Variants in AFG3L2 observed in about 807,000 individuals in gnomAD.
The protein encoded by AFG3L2 is AFG3 like matrix AAA peptidase subunit 2.
AFG3L2 carries 54 observed loss-of-function variants against 94.5 expected under a neutral mutation model. The ratio of observed to expected loss-of-function variants is 0.57; its 90% CI spans 0.46 to 0.72. The LOEUF is 0.72. Ranked by LOEUF, AFG3L2 falls within the 30% of genes least tolerant of loss-of-function variation. The pLI is 0.00. For synonymous variants in AFG3L2, 377 were observed against 365.5 expected, an observed-to-expected ratio of 1.03 and a Z score of -0.36; for missense variants, 754 against 994.9, an observed-to-expected ratio of 0.76 and a Z score of 3.26.
chr18:12,344,837 C>T (rs1276251986), intron 13 of AFG3L2, among the ~76,000 whole-genome samples: 1 of 152,168 alleles, frequency 6.6e-6, no homozygotes, highest in Non-Finnish European at 1.5e-5. Context: ...AACTCTCTCA[C>T]TTTTAAGCCA....
intron 10 of AFG3L2, among the ~76,000 whole-genome samples, chr18:12,351,899 C>T (rs1177901687): frequency 6.6e-6 from 1 of 152,070 alleles, no homozygotes; most frequent in Non-Finnish European, 1.5e-5. Flanking sequence ...CTATTCAGCT[C>T]GTCCTTGAAA....
intron 15 of AFG3L2, among the ~76,000 whole-genome samples, chr18:12,337,836 C>T (rs897215830): frequency 7.2e-5 from 11 of 152,220 alleles, no homozygotes; most frequent in African/African-American, 2.6e-4. Flanking sequence ...GTGGCACCAT[C>T]TTGGCTCACT....
intron 5 of AFG3L2, among the ~76,000 whole-genome samples, chr18:12,366,190 A>G (rs1035467596): frequency 1.3e-5 from 2 of 152,042 alleles, no homozygotes; most frequent in Admixed American, 6.6e-5. Flanking sequence ...CATCAATTCT[A>G]AGACACACAT....
At chr18:12,332,075 T>C (rs1907550745) in intron 16 of AFG3L2, among the ~76,000 whole-genome samples, 1 of 151,482 alleles carries the variant, frequency 6.6e-6, no homozygotes, top group Non-Finnish European at 1.5e-5. Flanking sequence ...ATATACCTAG[T>C]GTAAAGAAAA....
rs111728373 is a variant in AFG3L2 at position 12,371,008 on chromosome 18, T to C, written c.215-82A>G. On this transcript the variant is annotated intron_variant, in intron 2 of 16. Coordinates refer to ENST00000269143, the MANE Select transcript of AFG3L2 (RefSeq NM_006796.3). Reference sequence around the variant, plus strand: ...TTCATTTTGTTTTCAAAGCAGCTGATGCATCACTGAAAAGCACAAGCTGGC... The same window carrying C: ...TTCATTTTGTTTTCAAAGCAGCTGACGCATCACTGAAAAGCACAAGCTGGC... 3.7e-3 allele frequency: 3,237 copies of C among 875,396 alleles called. 69 individuals are homozygous for C. The African/African-American group carries it at 0.049, about 13-fold the overall frequency. The allele number at this position is 875,396 out of a possible 1,614,324, so 54.2% of individuals were successfully genotyped here.
intron 3 of AFG3L2, among the ~76,000 whole-genome samples, chr18:12,368,034 GCGCATGCCTGTAATCCCAGCTACTA>G: frequency 6.6e-6 from 1 of 152,246 alleles, no homozygotes; most frequent in Non-Finnish European, 1.5e-5. Context: ...GGGCATGGTG[GCGCATGCCTGTAATCCCAGCTACTA>G]GGGAGGCTGA....
chr18:12,341,483 T>C (rs1241584016), intron 14 of AFG3L2: 4 of 152,220 alleles, frequency 2.6e-5, no homozygotes, highest in African/African-American at 4.8e-5. Context: ...TCTGTCCCTA[T>C]GGATTAGTTT....
At chr18:12,359,902 T>C in intron 7 of AFG3L2, 25 bp downstream of exon 7, 1 of 1,612,166 alleles carries the variant, frequency 6.2e-7, no homozygotes, top group Non-Finnish European at 8.5e-7. Context: ...GTCAACAGTC[T>C]ACAAAATATT....
In AFG3L2 at chr18:12,329,597, C is replaced by G; in HGVS notation, c.2362G>C (p.Glu788Gln). ...GCAACTTTCTCACCCGGGGGCTCCT[C>G]TTTCTCCTTTTCCCGCTCCTTGTTC... ...DWNKEREKEK[E>Q]EPPGEKVAN The change falls in exon 17 of 17, where the codon GAG becomes CAG. Residue 788 changes from glutamate to glutamine, a missense_variant. Coordinates refer to ENST00000269143, the MANE Select transcript of AFG3L2 (RefSeq NM_006796.3). 9 of 1,614,178 alleles carry G rather than the reference C, an allele frequency of 5.6e-6. No individual in the cohort carries two copies. Among genetic ancestry groups the G allele is most frequent in the Non-Finnish European group, 7.6e-6 (9 of 1,180,042 alleles).
chr18:12,336,908 T>C (rs1216458716), intron 16 of AFG3L2, among the ~76,000 whole-genome samples: 7 of 152,226 alleles, frequency 4.6e-5, no homozygotes, highest in Non-Finnish European at 8.8e-5. Context: ...GCAAGGTAAC[T>C]TTCACGTACC....
intron 5 of AFG3L2, among the ~76,000 whole-genome samples, chr18:12,364,509 C>T (rs1335144006): frequency 2.6e-5 from 4 of 152,178 alleles, no homozygotes; most frequent in Middle Eastern, 6.3e-3. Context: ...CTCCCCAATT[C>T]ACACTGCCAT....
chr18:12,375,577 G>A (rs997113318), intron 1 of AFG3L2, among the ~76,000 whole-genome samples: 28 of 151,604 alleles, frequency 1.8e-4, no homozygotes, highest in Non-Finnish European at 4.0e-4. Context: ...ACGGAGTCTC[G>A]CTCTGTCGCC....
chr18:12,359,019 T>C (rs1293326185), intron 7 of AFG3L2, 76 bp from the exon 8 acceptor site: 11 of 1,537,352 alleles, frequency 7.2e-6, no homozygotes, highest in Admixed American at 5.9e-5. Flanking sequence ...AAGATATCAA[T>C]ATAAATATAT....
intron 5 of AFG3L2, 85 bp from the exon 6 acceptor site, chr18:12,363,941 G>C: frequency 9.6e-7 from 1 of 1,042,128 alleles, no homozygotes. Context: ...TGCATATGAT[G>C]TTTCAGCCAC....
At chr18:12,372,929 T>C (rs1449637284) in intron 1 of AFG3L2, among the ~76,000 whole-genome samples, 2 of 152,202 alleles carry the variant, frequency 1.3e-5, no homozygotes, top group Non-Finnish European at 2.9e-5. Flanking sequence ...GGCTTCTTTC[T>C]GGAGTGCTGA....
chr18:12,337,088 C>T (rs558448427), intron 16 of AFG3L2: 2 of 607,146 alleles, frequency 3.3e-6, no homozygotes, highest in South Asian at 2.0e-5. Flanking sequence ...TTTGTGGTTA[C>T]TGACAGACTT....
chr18:12,342,956 T>C (rs1908001377), intron 14 of AFG3L2: 1 of 152,172 alleles, frequency 6.6e-6, no homozygotes, highest in South Asian at 2.1e-4. Context: ...TGGCTACTCT[T>C]ACTCATTTGT....
At chr18:12,363,897 A>G in intron 5 of AFG3L2, 41 bp from the exon 6 acceptor site, 1 of 1,388,132 alleles carries the variant, frequency 7.2e-7, no homozygotes, top group Non-Finnish European at 1.0e-6. Context: ...ATTCACAGAA[A>G]ATACTTGAGA....
chr18:12,335,178 C>T (rs1029748131), intron 16 of AFG3L2, among the ~76,000 whole-genome samples: 43 of 152,144 alleles, frequency 2.8e-4, no homozygotes, highest in African/African-American at 1.0e-3. Context: ...CTCACCCTGA[C>T]AATGTAAGTT....
Sources: gnomAD v4.1 joint callset for allele counts (sites outside exome capture counted in the v4.1 genomes callset) on GRCh38, gnomAD v4.1.1 for gene constraint, MANE v1.5 for transcripts, NCBI Gene and HGNC (gene_info 2026-07-23, HGNC 2026-07-21) for gene names.